Variants in HS1BP3 observed in about 807,000 individuals in gnomAD.
HS1BP3 encodes the protein HCLS1-binding protein 3.
HS1BP3 carries 32 observed loss-of-function variants against 33.5 expected under a neutral mutation model. The observed-to-expected ratio is 0.95, with a 90% CI of 0.72 to 1.28. HS1BP3 has a LOEUF of 1.28. Ranked by LOEUF, HS1BP3 falls within the 50% of genes most tolerant of loss-of-function variation. The probability of loss-of-function intolerance (pLI) is 0.00; values close to 1 mark genes in which losing one functional copy is unlikely to be tolerated. For missense variants in HS1BP3, 486 were observed against 502.3 expected (o/e 0.97, Z 0.31); for synonymous variants, 187 against 209.2 (o/e 0.89, Z 0.92).
chr2:20,619,012 G>C lies in HS1BP3; in HGVS notation c.1154C>G (p.Ala385Gly). The part of the protein sequence containing the change: ...LQYIQDHDTP[A>G]QAAPSLF Reference sequence around the variant, plus strand: ...TCAGAAGAGGCTGGGGGCGGCCTGGGCTGGTGTATCGTGGTCCTGGATGTA... The same window carrying C: ...TCAGAAGAGGCTGGGGGCGGCCTGGCCTGGTGTATCGTGGTCCTGGATGTA... The change falls in exon 7 of 7, where the codon GCC becomes GGC. Residue 385 changes from alanine to glycine, a missense_variant. Transcript: ENST00000304031. 1 of 1,614,132 alleles carries C rather than the reference G, an allele frequency of 6.2e-7. No individual in the cohort carries two copies. The highest frequency in any genetic ancestry group is 8.5e-7 in the Non-Finnish European group (1 of 1,180,004).
In HS1BP3 at chr2:20,638,461, C is replaced by T; in HGVS notation, c.598G>A (p.Ala200Thr). The T allele has an allele frequency of 6.2e-7, 1 of 1,613,668 alleles. No individual in the cohort carries two copies. Among genetic ancestry groups the T allele is most frequent in the Non-Finnish European group, 8.5e-7 (1 of 1,179,544 alleles). Residue 200 changes from alanine (A) to threonine (T), a missense_variant, in exon 4 of 7, where the codon GCG becomes ACG. Ala to Thr is a moderately conservative substitution (Grantham distance 58). Coordinates refer to ENST00000304031, the MANE Select transcript of HS1BP3 (RefSeq NM_022460.4). ...DAEESLEEEE[A>T]LDPLGIMRSK... is the part of the protein sequence containing the mutation. ...CGCATAATGCCCAGAGGGTCCAGCG[C>T]CTCCTCCTCCTCCAAGGATTCCTCA...
chr2:20,638,654 T>A lies in HS1BP3; in HGVS notation c.407-2A>T, dbSNP rs1474168048. 6.8e-6 allele frequency: 11 copies of A among 1,610,546 alleles called. No homozygotes were observed. Among genetic ancestry groups the A allele is most frequent in the Non-Finnish European group, 9.3e-6 (11 of 1,177,428 alleles). ...CTGCAGCCCCTGGGGATCTGGTACC[T>A]GTGGAGGAAGACAGAAAAGAATGGA... On this transcript the variant is annotated splice_acceptor_variant, in intron 3 of 6. Coordinates refer to ENST00000304031, the MANE Select transcript of HS1BP3 (RefSeq NM_022460.4). LOFTEE classifies it high-confidence loss of function.
chr2:20,628,491 G>A (rs1181923722), intron 4 of HS1BP3, among the ~76,000 whole-genome samples: 3 of 152,102 alleles, frequency 2.0e-5, no homozygotes, highest in Admixed American at 6.5e-5. Flanking sequence ...AAAAATTAGC[G>A]TAGCATGGTG....
chr2:20,640,976 A>G lies in HS1BP3; in HGVS notation c.403T>C (p.Leu135=). 1 of 1,614,152 alleles carries G rather than the reference A, an allele frequency of 6.2e-7. No homozygotes were observed. The highest frequency in any genetic ancestry group is 1.1e-5 in the South Asian group (1 of 91,086). Residue 135 remains leucine, a synonymous_variant, in exon 3 of 7, where the codon TTA becomes CTA. Coordinates refer to ENST00000304031, the MANE Select transcript of HS1BP3 (RefSeq NM_022460.4). The part of the protein sequence containing the change: ...LAGSPELLEF[L]GTRSPGAAGL... The stretch of plus-strand genomic sequence containing the variant: ...CATGGGGCAGAGCCTTGGGTACCTA[A>G]GAACTCTAGCAGCTCTGGGCTGCCT...
chr2:20,623,792 C>A (rs1047419489), intron 6 of HS1BP3, 104 bp downstream of exon 6: 25 of 1,322,244 alleles, frequency 1.9e-5, no homozygotes, highest in Non-Finnish European at 2.3e-5. Flanking sequence ...CTGGGGTCCT[C>A]CCCTCAGAGG....
At position 20,638,516 on chromosome 2, in the gene HS1BP3, C is replaced by T. The variant is rs977120907; in HGVS notation, c.543G>A (p.Pro181=). 2.4e-5 allele frequency: 39 copies of T among 1,614,110 alleles called. No homozygotes were observed. Among genetic ancestry groups the T allele is most frequent in the African/African-American group, 5.3e-5 (4 of 74,944 alleles). Residue 181 remains proline, a synonymous_variant, in exon 4 of 7, where the codon CCG becomes CCA. Transcript: ENST00000304031. ...CCTCGCCCTTCAGGCTCTGGACGGG[C>T]GGACCCTCTTCTGCCACTTGGTCTT... is the stretch of plus-strand genomic sequence containing the variant. ...EEQDQVAEEG[P]PVQSLKGEDA...
chr2:20,613,814 G>T (rs1320975218), downstream of HS1BP3, among the ~76,000 whole-genome samples: 1 of 152,244 alleles, frequency 6.6e-6, no homozygotes, highest in Non-Finnish European at 1.5e-5. Context: ...CAGGGGGCAT[G>T]CCTTGCAGAA....
At position 20,629,814 on chromosome 2, in the gene HS1BP3, G is replaced by A. The variant is rs555980487; in HGVS notation, c.624-4922C>T. ...TTCTGCAGGCGGGCGTGCAGCATACGGGGTGAGAGGCGGCAGCTGCCGCGG... is the reference window on the plus strand; with the variant it reads ...TTCTGCAGGCGGGCGTGCAGCATACAGGGTGAGAGGCGGCAGCTGCCGCGG... On this transcript the variant is annotated intron_variant, in intron 4 of 6. Transcript: ENST00000304031. Among the ~76,000 whole-genome samples the A allele has an allele frequency of 7.2e-5, 11 of 152,364 alleles. No homozygotes were observed. The South Asian group carries it at 1.0e-3, about 14-fold the overall frequency.
downstream of HS1BP3, among the ~76,000 whole-genome samples, chr2:20,559,792 A>C (rs181308265): frequency 3.9e-5 from 6 of 152,136 alleles, no homozygotes; most frequent in South Asian, 2.1e-4. Flanking sequence ...GCCCCTCTGC[A>C]TCCAGGCACT....
At position 20,585,645 on chromosome 2, in the gene HS1BP3, T is replaced by C. The variant is rs115923705; in HGVS notation, c.303-25130A>G. On this transcript the variant is annotated intron_variant, in intron 5 of 5. Coordinates refer to the HS1BP3 transcript ENST00000446825. ...GTTCTAAAATCCATTGCTTCATGCT[T>C]TGAAGGACCGAGAAGCTGCTATCTC... 8.4e-3 allele frequency among the ~76,000 whole-genome samples: 1,277 copies of C among 152,320 alleles called. 22 individuals are homozygous for C. Among genetic ancestry groups the C allele is most frequent in the African/African-American group, 0.029 (1,186 of 41,564 alleles).
At chr2:20,568,931 C>G (rs1693201019) in intron 5 of HS1BP3, among the ~76,000 whole-genome samples, 1 of 152,206 alleles carries the variant, frequency 6.6e-6, no homozygotes, top group Non-Finnish European at 1.5e-5. Flanking sequence ...CCGTCTTGGT[C>G]ACTCCAAAGC....
rs753438408 is a variant in HS1BP3, at chr2:20,638,455, C to G, written c.604G>C (p.Asp202His). 1.2e-6 allele frequency: 2 copies of G among 1,614,218 alleles called. No homozygotes were observed. The highest frequency in any genetic ancestry group is 1.7e-5 in the Admixed American group (1 of 60,032). Residue 202 changes from aspartate to histidine, a missense_variant, in exon 4 of 7, where the codon GAC becomes CAC. By Grantham distance (81) the Asp-to-His change is moderately conservative. Coordinates refer to ENST00000304031, the MANE Select transcript of HS1BP3 (RefSeq NM_022460.4). ...EESLEEEEAL[D>H]PLGIMRSKKP... ...ACCAACCGCATAATGCCCAGAGGGT[C>G]CAGCGCCTCCTCCTCCTCCAAGGAT...
intron 2 of HS1BP3, among the ~76,000 whole-genome samples, chr2:20,643,636 G>C (rs2149303217): frequency 6.6e-6 from 1 of 152,248 alleles, no homozygotes; most frequent in South Asian, 2.1e-4. Flanking sequence ...CCTTAAAATT[G>C]TGTGGCTGGG....
intron 2 of HS1BP3, among the ~76,000 whole-genome samples, chr2:20,602,792 C>G (rs1433225611): frequency 6.6e-6 from 1 of 152,174 alleles, no homozygotes; most frequent in Non-Finnish European, 1.5e-5. Context: ...AGTGAAAATA[C>G]AGCCCACAGA....
intron 5 of HS1BP3, among the ~76,000 whole-genome samples, chr2:20,578,310 G>T (rs965125598): frequency 1.3e-5 from 2 of 152,176 alleles, no homozygotes; most frequent in South Asian, 4.1e-4. Context: ...AGGGGACTTG[G>T]TCTCCATGGT....
intron 5 of HS1BP3, among the ~76,000 whole-genome samples, chr2:20,564,292 G>T (rs1027017271): frequency 1.3e-5 from 2 of 152,210 alleles, no homozygotes; most frequent in African/African-American, 4.8e-5. Context: ...AGGGTGGACG[G>T]CTGTGACTCC....
chr2:20,620,435 T>A (rs1454472250), intron 6 of HS1BP3, among the ~76,000 whole-genome samples: 1 of 152,202 alleles, frequency 6.6e-6, no homozygotes, highest in Non-Finnish European at 1.5e-5. Flanking sequence ...CATCTCTACG[T>A]CTATCGCTCA....
chr2:20,605,198 A>C (rs2149284208), intron 2 of HS1BP3, among the ~76,000 whole-genome samples: 1 of 152,274 alleles, frequency 6.6e-6, no homozygotes, highest in South Asian at 2.1e-4. Flanking sequence ...GAGCTTCCCA[A>C]ACCTGGGAGG....
At chr2:20,588,167 A>G (rs1298538886), downstream of HS1BP3, among the ~76,000 whole-genome samples, 2 of 152,188 alleles carry the variant, frequency 1.3e-5, no homozygotes, top group East Asian at 1.9e-4. Flanking sequence ...AACAGGTGAC[A>G]GGATTAAAAG....
Sources: allele counts gnomAD v4.1 joint callset (sites outside exome capture counted in the v4.1 genomes callset), GRCh38; gene constraint gnomAD v4.1.1; transcripts MANE v1.5; gene names NCBI Gene and HGNC (gene_info 2026-07-23, HGNC 2026-07-21).